The following BAHD1 variants were observed in gnomAD, a reference collection of about 807,000 sequenced individuals.
BAHD1 encodes bromo adjacent homology domain-containing 1 protein.
In BAHD1, 20 loss-of-function variants were observed where a neutral mutation model predicts 63.1. The observed-to-expected ratio is 0.32, with a 90% CI of 0.22 to 0.46. The LOEUF is 0.46. Among genes scored for constraint, BAHD1 ranks in the 20% least tolerant of loss-of-function variants. BAHD1 has a pLI of 1.00. For missense variants in BAHD1, 939 were observed against 1,071.8 expected (o/e 0.88, Z 1.73); for synonymous variants, 408 against 426.8 (o/e 0.96, Z 0.54).
chr15:40,462,086 C>A lies in BAHD1; in HGVS notation c.1607C>A (p.Pro536His). Reference sequence around the variant, plus strand: ...CCCCAGACAGTAGCCCGTGCGTGCCCTCAGAGCGCCAAACCTCCCAGCGGT... The same window carrying A: ...CCCCAGACAGTAGCCCGTGCGTGCCATCAGAGCGCCAAACCTCCCAGCGGT... ...SEPQTVARAC[P>H]QSAKPPSGSK... Residue 536 changes from proline to histidine, a missense_variant, in exon 3 of 7, where the codon CCT becomes CAT. Transcript: ENST00000416165. The A allele has an allele frequency of 2.5e-6, 4 of 1,613,534 alleles. No homozygotes were observed. Among genetic ancestry groups the A allele is most frequent in the Non-Finnish European group, 3.4e-6 (4 of 1,180,022 alleles).
chr15:40,442,480 C>CGACAGACCCAGT (rs1566957402), intron 1 of BAHD1, among the ~76,000 whole-genome samples: 2 of 152,150 alleles, frequency 1.3e-5, no homozygotes, highest in Non-Finnish European at 2.9e-5. Flanking sequence ...CTCACCGAGG[C>CGACAGACCCAGT]GACAGACCCA....
chr15:40,458,684 C>G lies in BAHD1; in HGVS notation c.220C>G (p.Leu74Val). 6.2e-7 allele frequency: 1 copy of G among 1,613,916 alleles called. No homozygotes were observed. Among genetic ancestry groups the G allele is most frequent in the Non-Finnish European group, 8.5e-7 (1 of 1,179,992 alleles). ...GAAGCCCAAGGCCTGCAAAGTGCTG[C>G]TGACTCGCCTGGAGAATGTGGCCGG... ...PEKPKACKVL[L>V]TRLENVAGPR... The change falls in exon 2 of 7, where the codon CTG becomes GTG. Residue 74 changes from leucine to valine, a missense_variant. This residue lies in a region of BAHD1 where 797 missense variants were observed against 813.3 expected (regional missense o/e 0.98). Transcript: ENST00000416165. This position sits in a 1 kb window ranked among gnomAD's most constrained non-coding sequence, Gnocchi z 4.7.
At chr15:40,447,618 A>G (rs902562809) in intron 1 of BAHD1, among the ~76,000 whole-genome samples, 9 of 150,910 alleles carry the variant, frequency 6.0e-5, no homozygotes, top group Non-Finnish European at 1.2e-4. Context: ...AAATAAAAAT[A>G]AAAATGATTG....
intron 1 of BAHD1, among the ~76,000 whole-genome samples, chr15:40,450,806 G>A (rs935827123): frequency 1.3e-5 from 2 of 152,152 alleles, no homozygotes; most frequent in Admixed American, 6.5e-5. Context: ...TAATAGGGGC[G>A]AGTCTGGGAA....
In BAHD1 at chr15:40,459,097, T is replaced by G. The variant is rs1349918591; in HGVS notation, c.633T>G (p.Ala211=). 6.2e-7 allele frequency: 1 copy of G among 1,612,988 alleles called. No homozygotes were observed. Among genetic ancestry groups the G allele is most frequent in the Admixed American group, 1.7e-5 (1 of 59,974 alleles). ...PKRLASLNAA[A]FLKLSQEREL... is the part of the protein sequence containing the mutation. The stretch of plus-strand genomic sequence containing the variant: ...GACTGGCTAGCCTGAACGCAGCTGC[T>G]TTCCTAAAACTGAGCCAGGAGCGGG... The change falls in exon 2 of 7, where the codon GCT becomes GCG. Residue 211 remains alanine, a synonymous_variant. Coordinates refer to ENST00000416165, the MANE Select transcript of BAHD1 (RefSeq NM_014952.5).
upstream of BAHD1, among the ~76,000 whole-genome samples, chr15:40,438,751 G>A (rs1474309510): frequency 6.6e-6 from 1 of 152,162 alleles, no homozygotes; most frequent in Non-Finnish European, 1.5e-5. Context: ...GGCTGAACGT[G>A]GGCTTCCTGC....
At chr15:40,462,867 A>G (rs945952784) in intron 3 of BAHD1, among the ~76,000 whole-genome samples, 5 of 151,922 alleles carry the variant, frequency 3.3e-5, no homozygotes, top group African/African-American at 1.2e-4. Flanking sequence ...GGTGTGCACC[A>G]GGAGGCTGAA....
chr15:40,441,342 A>G (rs1185356934), intron 1 of BAHD1, 74 bp downstream of exon 1: 1 of 149,606 alleles, frequency 6.7e-6, no homozygotes, highest in Admixed American at 6.6e-5. Context: ...TAGGCAGAAG[A>G]GCGAAGGGGG....
intron 1 of BAHD1, among the ~76,000 whole-genome samples, chr15:40,447,787 G>A (rs1595848696): frequency 6.6e-6 from 1 of 152,100 alleles, no homozygotes; most frequent in East Asian, 1.9e-4. Flanking sequence ...TGGGCTGGAG[G>A]CAGGGAATTT....
Position 40,459,445 on chromosome 15 carries a change from G to A in BAHD1, c.981G>A (p.Glu327=). The A allele has an allele frequency of 1.2e-6, 2 of 1,613,568 alleles. No homozygotes were observed. The highest frequency in any genetic ancestry group is 1.7e-6 in the Non-Finnish European group (2 of 1,179,996). The change falls in exon 2 of 7, where the codon GAG becomes GAA. Residue 327 remains glutamate, a synonymous_variant. Coordinates refer to ENST00000416165, the MANE Select transcript of BAHD1 (RefSeq NM_014952.5). ...LMGGQAALKP[E]PGRPGEESPA... Reference sequence around the variant, plus strand: ...GTGGACAGGCGGCTCTGAAGCCGGAGCCTGGGCGCCCAGGCGAGGAGTCAC... The same window carrying A: ...GTGGACAGGCGGCTCTGAAGCCGGAACCTGGGCGCCCAGGCGAGGAGTCAC...
chr15:40,443,214 T>C, intron 1 of BAHD1: 1 of 976,646 alleles, frequency 1.0e-6, no homozygotes, highest in Non-Finnish European at 1.2e-6. Context: ...GCTGCTTGTC[T>C]GCCACTTCAG....
At position 40,459,637 on chromosome 15, in the gene BAHD1, G is replaced by A. The variant is rs776843244; in HGVS notation, c.1173G>A (p.Gly391=). ...GTGGCCAAGAGGGGCTGCAGTGTGG[G>A]GGCTACTCGCCCTGCCCCATGCTTC... ...LYCGQEGLQC[G]GYSPCPMLPE... is the part of the protein sequence containing the mutation. Residue 391 remains glycine, a synonymous_variant, in exon 2 of 7, where the codon GGG becomes GGA. Coordinates refer to ENST00000416165, the MANE Select transcript of BAHD1 (RefSeq NM_014952.5). 6.2e-7 allele frequency: 1 copy of A among 1,614,146 alleles called. No homozygotes were observed. The highest frequency in any genetic ancestry group is 8.5e-7 in the Non-Finnish European group (1 of 1,180,028).
At chr15:40,449,443 T>G (rs2141484758) in intron 1 of BAHD1, among the ~76,000 whole-genome samples, 1 of 152,186 alleles carries the variant, frequency 6.6e-6, no homozygotes, top group South Asian at 2.1e-4. Flanking sequence ...GCTTAATGGT[T>G]TAGGGGCAGC....
At chr15:40,444,469 C>A (rs1466154050) in intron 1 of BAHD1, among the ~76,000 whole-genome samples, 1 of 152,250 alleles carries the variant, frequency 6.6e-6, no homozygotes, top group South Asian at 2.1e-4. Context: ...TTCTTTCTAC[C>A]CAGCTTTGCT....
chr15:40,452,898 G>A (rs1893747345), intron 1 of BAHD1, among the ~76,000 whole-genome samples: 1 of 152,218 alleles, frequency 6.6e-6, no homozygotes, highest in Non-Finnish European at 1.5e-5. Context: ...GGTCCTGCAA[G>A]GGAAAAGGAG....
chr15:40,441,165 G>C lies in BAHD1; in HGVS notation c.-118G>C, dbSNP rs1303057551. 4 of 150,816 alleles carry C rather than the reference G, an allele frequency of 2.7e-5. No homozygotes were observed. Among genetic ancestry groups the C allele is most frequent in the African/African-American group, 9.7e-5 (4 of 41,228 alleles). The allele number at this position is 150,816 out of a possible 1,614,324, so 9.3% of individuals were successfully genotyped here. On this transcript the variant is annotated 5_prime_UTR_variant, in exon 1 of 7. Coordinates refer to ENST00000416165, the MANE Select transcript of BAHD1 (RefSeq NM_014952.5). Reference sequence around the variant, plus strand: ...GGAGGAGGCGCTGACGCAGCAGCGTGGAGCCCGGGAATTGAGCGCCCCCGG... The same window carrying C: ...GGAGGAGGCGCTGACGCAGCAGCGTCGAGCCCGGGAATTGAGCGCCCCCGG...
At position 40,466,148 on chromosome 15, in the gene BAHD1, T is replaced by C. The variant is rs756447517; in HGVS notation, c.*18T>C. The C allele has an allele frequency of 1.6e-5, 26 of 1,605,006 alleles. No individual in the cohort carries two copies. The highest frequency in any genetic ancestry group is 3.3e-4 in the Middle Eastern group (2 of 6,036). On this transcript the variant is annotated 3_prime_UTR_variant, in exon 7 of 7. Transcript: ENST00000416165. ...CCCAGTAGCCTCCTCATGCCCATGC[T>C]GGGGCTACCCATGGGCAAGTGGGGC...
At chr15:40,463,146 A>AT (rs1894101335) in intron 3 of BAHD1, among the ~76,000 whole-genome samples, 2 of 151,996 alleles carry the variant, frequency 1.3e-5, no homozygotes, top group African/African-American at 4.8e-5. Context: ...CAGAAAAAAA[A>AT]TTTTTTTAAT....
chr15:40,464,658 G>A lies in BAHD1; in HGVS notation c.2052+111G>A, dbSNP rs755422353. On this transcript the variant is annotated intron_variant, in intron 5 of 6. Coordinates refer to ENST00000416165, the MANE Select transcript of BAHD1 (RefSeq NM_014952.5). ...CCATGGGCTGTAGTCAAATCCCTGC[G>A]CTTGTCACTTTGGACTCCAGAGAAC... is the stretch of plus-strand genomic sequence containing the variant. 292 of 898,104 alleles carry A rather than the reference G, an allele frequency of 3.3e-4. 3 individuals carry two copies. Among genetic ancestry groups the A allele is most frequent in the Non-Finnish European group, 8.6e-5 (49 of 571,436 alleles). The allele number at this position is 898,104 out of a possible 1,614,324, so 55.6% of individuals were successfully genotyped here. A position where few individuals can be genotyped will look rare whatever the true frequency, so the allele number is the denominator to read the frequency against.
Sources: allele counts gnomAD v4.1 joint callset (sites outside exome capture counted in the v4.1 genomes callset), GRCh38; gene constraint gnomAD v4.1.1; regional missense constraint gnomAD v4.1.1; non-coding constraint Gnocchi (gnomAD v3.1); transcripts MANE v1.5; gene names NCBI Gene and HGNC (gene_info 2026-07-23, HGNC 2026-07-21).